Variants in NDRG1 observed in about 807,000 individuals in gnomAD.
The protein encoded by NDRG1 is protein NDRG1.
A neutral mutation model predicts 56.9 loss-of-function variants in NDRG1; 32 were observed. The observed-to-expected ratio is 0.56, with a 90% CI of 0.42 to 0.76. The LOEUF is 0.76. NDRG1 is among the 30% of genes least tolerant of loss of function. The probability of loss-of-function intolerance (pLI) is 0.00; values close to 1 mark genes in which losing one functional copy is unlikely to be tolerated. For missense variants in NDRG1, 507 were observed against 545.7 expected (o/e 0.93, Z 0.71); for synonymous variants, 211 against 204.1 (o/e 1.03, Z -0.29).
At chr8:133,262,689 G>T (rs1382429529) in intron 4 of NDRG1, among the ~76,000 whole-genome samples, 1 of 152,188 alleles carries the variant, frequency 6.6e-6, no homozygotes, top group Non-Finnish European at 1.5e-5. Flanking sequence ...CCTACCTCCT[G>T]TCCCTTTTCC....
intron 5 of NDRG1, among the ~76,000 whole-genome samples, chr8:133,259,692 AT>A (rs1856566529): frequency 7.3e-6 from 1 of 136,544 alleles, no homozygotes; most frequent in Admixed American, 7.1e-5. Context: ...ACAGGCATGA[AT>A]GAGTTCCATC....
intron 15 of NDRG1, chr8:133,239,909 C>T (rs991198218): frequency 2.0e-5 from 3 of 152,356 alleles, no homozygotes; most frequent in African/African-American, 7.2e-5. Flanking sequence ...ATGAAATCAT[C>T]CTGGGTTGAG....
intron 2 of NDRG1, among the ~76,000 whole-genome samples, chr8:133,281,454 T>G (rs1202763320): frequency 2.6e-5 from 4 of 152,030 alleles, no homozygotes; most frequent in African/African-American, 9.7e-5. Flanking sequence ...AGAAAAGTCT[T>G]GTGTCCCCTC....
chr8:133,264,455 C>A, intron 4 of NDRG1, 92 bp downstream of exon 4: 1 of 1,170,344 alleles, frequency 8.5e-7, no homozygotes, highest in Non-Finnish European at 1.3e-6. Context: ...AAAGAAACCA[C>A]CAGCTCCCGG....
At chr8:133,241,665 T>A (rs1855388942) in intron 15 of NDRG1, 1 of 375,146 alleles carries the variant, frequency 2.7e-6, no homozygotes, top group Non-Finnish European at 5.0e-6. Flanking sequence ...ACCATCTTCA[T>A]CATCACTGTA....
At chr8:133,262,300 T>G in intron 4 of NDRG1, 133 bp from the exon 5 acceptor site, 2 of 1,214,216 alleles carry the variant, frequency 1.6e-6, no homozygotes, top group East Asian at 2.4e-5. Context: ...AGAACACAGA[T>G]GTTGGCGTTT....
At chr8:133,248,824 TCCCA>T (rs1422230233) in intron 10 of NDRG1, 53 bp from the exon 11 acceptor site, 1 of 1,602,380 alleles carries the variant, frequency 6.2e-7, no homozygotes, top group Non-Finnish European at 8.5e-7. Context: ...TGGAGAAATC[TCCCA>T]CTCCCATCCA....
At chr8:133,284,772 T>C in intron 1 of NDRG1, 1 of 458,100 alleles carries the variant, frequency 2.2e-6, no homozygotes, top group Non-Finnish European at 4.4e-6. Flanking sequence ...ATAGGCATAG[T>C]GCAAGCTTCA....
Position 133,238,987 on chromosome 8 carries a change from C to T in NDRG1, c.1076G>A (p.Gly359Asp), listed in dbSNP as rs144379016. 4 of 1,593,214 alleles carry T rather than the reference C, an allele frequency of 2.5e-6. No homozygotes were observed. The highest frequency in any genetic ancestry group is 3.4e-6 in the Non-Finnish European group (4 of 1,171,440). ...GCTGGTGTGCGAGCGGCTGCGGGTG[C>T]CCTCGCTGGTGTGGGAGCGGCTTCG... The part of the protein sequence containing the change: ...GTRSRSHTSE[G>D]TRSRSHTSEG... The change falls in exon 16 of 16, where the codon GGC becomes GAC. Residue 359 changes from glycine (G) to aspartate (D), a missense_variant. Transcript: ENST00000323851.
intron 5 of NDRG1, among the ~76,000 whole-genome samples, chr8:133,261,288 TGGAGACAGGGTTTCATCACGTTGGCC>T (rs1220731698): frequency 2.6e-5 from 4 of 152,082 alleles, no homozygotes; most frequent in African/African-American, 7.2e-5. Flanking sequence ...GTATTTTTAG[TGGAGACAGGGTTTCATCACGTTGGCC>T]GGAGACAGGG....
At chr8:133,270,808 T>C (rs1400174629) in intron 3 of NDRG1, among the ~76,000 whole-genome samples, 1 of 152,154 alleles carries the variant, frequency 6.6e-6, no homozygotes, top group Non-Finnish European at 1.5e-5. Context: ...GCAATACTTA[T>C]CCTAATGATA....
At chr8:133,290,071 G>A (rs369792993) in intron 1 of NDRG1, among the ~76,000 whole-genome samples, 7 of 152,028 alleles carry the variant, frequency 4.6e-5, no homozygotes, top group Non-Finnish European at 1.0e-4. Context: ...GATTAGCCCC[G>A]CACCTTGGAC....
intron 3 of NDRG1, among the ~76,000 whole-genome samples, chr8:133,271,337 C>T (rs905924522): frequency 2.6e-5 from 4 of 152,118 alleles, no homozygotes; most frequent in Non-Finnish European, 5.9e-5. Flanking sequence ...AAAGTCAAGG[C>T]CCATGGCAGC....
At chr8:133,269,022 T>G (rs1857059613) in intron 3 of NDRG1, among the ~76,000 whole-genome samples, 1 of 152,224 alleles carries the variant, frequency 6.6e-6, no homozygotes, top group Non-Finnish European at 1.5e-5. Flanking sequence ...CCCAAAGGAA[T>G]GTTCTGTCCT....
In NDRG1 at chr8:133,262,109, G is replaced by A. The variant is rs745641689; in HGVS notation, c.264C>T (p.His88=). The A allele has an allele frequency of 1.5e-5, 25 of 1,614,120 alleles. No homozygotes were observed. The highest frequency in any genetic ancestry group is 2.1e-5 in the Non-Finnish European group (25 of 1,180,046). Residue 88 remains histidine (H), a synonymous_variant, in exon 5 of 16, where the codon CAC becomes CAT. Coordinates refer to ENST00000323851, the MANE Select transcript of NDRG1 (RefSeq NM_006096.4). ...GGGCGTCCACGTGGCAGACGGCAAA[G>A]TGCTGGGTGATCTCCTGCATGTCCT... ...NYEDMQEITQ[H]FAVCHVDAPG... is the part of the protein sequence containing the mutation.
rs574645006 is a variant in NDRG1, at chr8:133,293,431, C to T, written c.-19+3703G>A. Among the ~76,000 whole-genome samples the T allele has an allele frequency of 6.4e-4, 97 of 152,278 alleles. 1 individual carries two copies. The highest frequency in any genetic ancestry group is 2.1e-3 in the African/African-American group (86 of 41,554). On this transcript the variant is annotated intron_variant, in intron 1 of 15. Coordinates refer to ENST00000323851, the MANE Select transcript of NDRG1 (RefSeq NM_006096.4). ...GGGTGGAAAGGGCTCAGGAGGCTCA[C>T]CTTGGGCAGAACCCCACTCACTGGA...
chr8:133,266,643 T>G (rs1417983550), intron 3 of NDRG1, among the ~76,000 whole-genome samples: 1 of 152,212 alleles, frequency 6.6e-6, no homozygotes, highest in African/African-American at 2.4e-5. Context: ...CCACACCCGC[T>G]GGTGATCGGA....
intron 5 of NDRG1, among the ~76,000 whole-genome samples, chr8:133,261,417 C>A (rs1366706821): frequency 1.3e-5 from 2 of 152,180 alleles, no homozygotes; most frequent in Non-Finnish European, 2.9e-5. Context: ...AGGCATGAAC[C>A]ACCATGCCCG....
At chr8:133,285,936 G>T (rs1272408650) in intron 1 of NDRG1, among the ~76,000 whole-genome samples, 1 of 152,164 alleles carries the variant, frequency 6.6e-6, no homozygotes, top group Non-Finnish European at 1.5e-5. Flanking sequence ...CATGGCCTAG[G>T]GAGCCTTCCA....
Sources: allele counts gnomAD v4.1 joint callset (sites outside exome capture counted in the v4.1 genomes callset), GRCh38; gene constraint gnomAD v4.1.1; transcripts MANE v1.5; gene names NCBI Gene and HGNC (gene_info 2026-07-23, HGNC 2026-07-21).